The following ATP13A2 variants were observed in gnomAD, a reference collection of about 807,000 sequenced individuals.
The protein encoded by ATP13A2 is polyamine-transporting ATPase 13A2.
ATP13A2 carries 83 observed loss-of-function variants against 138.3 expected under a neutral mutation model. That is an observed-to-expected ratio of 0.60 (90% CI 0.50 to 0.72). The LOEUF is 0.72. Among genes scored for constraint, ATP13A2 ranks in the 30% least tolerant of loss-of-function variants. ATP13A2 has a pLI of 0.00. For synonymous variants in ATP13A2, 663 were observed against 699.0 expected (o/e 0.95, Z 0.81); for missense variants, 1,402 against 1,606.4 (o/e 0.87, Z 2.17).
chr1:17,003,585 CCACACACACA>C (rs540533484), intron 6 of ATP13A2, among the ~76,000 whole-genome samples: 40 of 133,056 alleles, frequency 3.0e-4, no homozygotes, highest in East Asian at 4.5e-4. Context: ...ACCAAAAAAA[CCACACACACA>C]CACACACACA....
In ATP13A2 at chr1:16,993,808, C is replaced by G; in HGVS notation, c.1570G>C (p.Asp524His). 1 of 1,575,084 alleles carries G rather than the reference C, an allele frequency of 6.3e-7. No individual in the cohort carries two copies. Among genetic ancestry groups the G allele is most frequent in the Non-Finnish European group, 8.6e-7 (1 of 1,160,858 alleles). Residue 524 changes from aspartate to histidine, a missense_variant, in exon 16 of 29, where the codon GAC becomes CAC. Asp to His is a moderately conservative substitution (Grantham distance 81, BLOSUM62 -1). Transcript: ENST00000326735. ...TTCAGGGGCACCACCCCCATCACGT[C>G]TAAGCCGTCCTCAGTGAGGGTGCCC... ...KTGTLTEDGL[D>H]VMGVVPLKGQ...
At chr1:16,994,701 T>G (rs554637199) in intron 15 of ATP13A2, among the ~76,000 whole-genome samples, 73 of 149,886 alleles carry the variant, frequency 4.9e-4, no homozygotes, top group African/African-American at 1.8e-3. Flanking sequence ...CTCACTCTGT[T>G]GCCCAGGCTG....
At position 16,986,034 on chromosome 1, in the gene ATP13A2, G is replaced by T. The variant is rs1462831741; in HGVS notation, c.*187C>A. On this transcript the variant is annotated 3_prime_UTR_variant, in exon 29 of 29. Coordinates refer to ENST00000326735, the MANE Select transcript of ATP13A2 (RefSeq NM_022089.4). The surrounding 1 kb of genome is among the most constrained non-coding windows in gnomAD (Gnocchi z 6.9). Reference sequence around the variant, plus strand: ...GAGCTGGGGGCTGCCACCCCTACGCGGGATGGTCCAAGGTAGGGGACAGTA... The same window carrying T: ...GAGCTGGGGGCTGCCACCCCTACGCTGGATGGTCCAAGGTAGGGGACAGTA... 78 of 1,469,376 alleles carry T rather than the reference G, an allele frequency of 5.3e-5. 1 individual carries two copies. The highest frequency in any genetic ancestry group is 7.0e-5 in the South Asian group (5 of 71,062). 91.0% of individuals were successfully genotyped at this position (1,469,376 alleles called of 1,614,324 possible). A position where few individuals can be genotyped will look rare whatever the true frequency, so the allele number is the denominator to read the frequency against.
intron 1 of ATP13A2, among the ~76,000 whole-genome samples, chr1:17,010,732 C>A (rs573698169): frequency 6.6e-6 from 1 of 152,308 alleles, no homozygotes; most frequent in East Asian, 1.9e-4. Context: ...TGGACTTGAA[C>A]CTCGTCTGAG....
At chr1:17,003,942 G>A (rs1389974233) in intron 6 of ATP13A2, among the ~76,000 whole-genome samples, 1 of 152,090 alleles carries the variant, frequency 6.6e-6, no homozygotes, top group African/African-American at 2.4e-5. Context: ...GATTACAGGG[G>A]TGAGCCACCG....
chr1:17,010,432 C>A (rs140542160), intron 1 of ATP13A2, among the ~76,000 whole-genome samples: 1 of 152,134 alleles, frequency 6.6e-6, no homozygotes, highest in Non-Finnish European at 1.5e-5. Context: ...CCATGCCCTG[C>A]GGAAGCCCTT....
In ATP13A2 at chr1:16,991,993, C is replaced by G. The variant is rs746132666; in HGVS notation, c.2126+16G>C. 6.2e-7 allele frequency: 1 copy of G among 1,610,872 alleles called. No individual in the cohort carries two copies. The highest frequency in any genetic ancestry group is 1.3e-5 in the African/African-American group (1 of 74,886). ...TGCCTAGTCCTCAGAGTGGGTGGGA[C>G]AGGAGACAGGCCCACCTCGTCAGTT... On this transcript the variant is annotated intron_variant, in intron 19 of 28. Transcript: ENST00000326735.
chr1:16,989,492 T>A (rs962321033), intron 23 of ATP13A2, among the ~76,000 whole-genome samples, 199 bp downstream of exon 23: 2 of 152,236 alleles, frequency 1.3e-5, no homozygotes, highest in Non-Finnish European at 2.9e-5. Flanking sequence ...ATTACAGGAA[T>A]GAGCCACCGC....
chr1:17,000,180 C>A (rs748097685), intron 10 of ATP13A2, 38 bp from the exon 11 acceptor site: 14 of 1,610,190 alleles, frequency 8.7e-6, no homozygotes, highest in Non-Finnish European at 1.2e-5. Flanking sequence ...CTAGGTGGGG[C>A]CAGCCCCAGC....
Position 16,993,144 on chromosome 1 carries a change from C to T in ATP13A2, c.1749+485G>A, listed in dbSNP as rs137868231. ...GTTGGCCAGGCTGCTTTCAAACTTC[C>T]GACCTCAGGTGATCTGCCCACCTCA... On this transcript the variant is annotated intron_variant, in intron 16 of 28. Coordinates refer to ENST00000326735, the MANE Select transcript of ATP13A2 (RefSeq NM_022089.4). Among the ~76,000 whole-genome samples the T allele has an allele frequency of 4.9e-4, 74 of 152,208 alleles. 1 individual carries two copies. The highest frequency in any genetic ancestry group is 3.4e-3 in the Middle Eastern group (1 of 294).
Position 17,000,141 on chromosome 1 carries a change from CT to C in ATP13A2, c.908del (p.Glu303GlyfsTer10). ...MRVCVCRPGG[E>X]EEWVDSSELV... ...GCTCACTGGAGTCCACCCACTCTTC[CT>C]CTGCAGGCAGGCAGGAGAGGAGCTC... is the stretch of plus-strand genomic sequence containing the variant. On this transcript the variant is annotated frameshift_variant and splice_region_variant, in exon 11 of 29. Coordinates refer to ENST00000326735, the MANE Select transcript of ATP13A2 (RefSeq NM_022089.4). LOFTEE classifies it high-confidence loss of function. 1 of 1,613,286 alleles carries C rather than the reference CT, an allele frequency of 6.2e-7. No individual in the cohort carries two copies. Among genetic ancestry groups the C allele is most frequent in the Non-Finnish European group, 8.5e-7 (1 of 1,179,980 alleles).
At chr1:17,001,042 T>C (rs1171943341) in intron 8 of ATP13A2, among the ~76,000 whole-genome samples, 5 of 152,056 alleles carry the variant, frequency 3.3e-5, no homozygotes, top group Non-Finnish European at 7.4e-5. Context: ...CAATGACAAT[T>C]CTACAAGGCC....
chr1:16,997,251 T>A, intron 11 of ATP13A2, 76 bp from the exon 12 acceptor site: 1 of 1,572,746 alleles, frequency 6.4e-7, no homozygotes, highest in Non-Finnish European at 8.7e-7. Flanking sequence ...TGTGTAGAAT[T>A]GTCCCACAAG....
chr1:16,989,649 G>C (rs2076853953), intron 23 of ATP13A2, 42 bp downstream of exon 23: 1 of 1,598,390 alleles, frequency 6.3e-7, no homozygotes, highest in Non-Finnish European at 8.6e-7. Flanking sequence ...GACAAGCTCA[G>C]TCTCCGCAGG....
intron 11 of ATP13A2, among the ~76,000 whole-genome samples, chr1:16,998,769 C>G (rs2100965697): frequency 6.6e-6 from 1 of 152,298 alleles, no homozygotes; most frequent in African/African-American, 2.4e-5. Context: ...TGTGGACTCT[C>G]ATGCAGCCAT....
chr1:17,002,304 T>C lies in ATP13A2; in HGVS notation c.627A>G (p.Gln209=). 6.2e-7 allele frequency: 1 copy of C among 1,613,544 alleles called. No homozygotes were observed. The change falls in exon 7 of 29, where the codon CAA becomes CAG. Residue 209 remains glutamine, a synonymous_variant. Transcript: ENST00000326735. ...TCCAGGGCAGCACTGACCTCACCAT[T>C]TGGTCCTGGAGGCTGAGGCCATGGC... ...RSRHGLSLQD[Q]MVRKAIYGPN...
rs752221069 is a variant in ATP13A2, at chr1:17,011,292, C to T, written c.10+437G>A. On this transcript the variant is annotated intron_variant, in intron 1 of 28. Coordinates refer to ENST00000326735, the MANE Select transcript of ATP13A2 (RefSeq NM_022089.4). This position sits in a 1 kb window ranked among gnomAD's most constrained non-coding sequence, Gnocchi z 7.3. The stretch of plus-strand genomic sequence containing the variant: ...AAATGGAGTCCCGACTCCCCCAACG[C>T]CATTCATTCATTCATTCAGCCCAGA... 6.6e-6 allele frequency among the ~76,000 whole-genome samples: 1 copy of T among 152,094 alleles called. No homozygotes were observed. Among genetic ancestry groups the T allele is most frequent in the Non-Finnish European group, 1.5e-5 (1 of 67,992 alleles).
chr1:17,005,626 G>C lies in ATP13A2; in HGVS notation c.105+58C>G, dbSNP rs1400958186. The C allele has an allele frequency of 1.9e-5, 30 of 1,612,948 alleles. No individual in the cohort carries two copies. In the Admixed American group the frequency reaches 4.7e-4, roughly 25 times the overall value. On this transcript the variant is annotated intron_variant, in intron 2 of 28. Transcript: ENST00000326735. ...GCTGGAGTAGGAAGTTGGGGTGTCT[G>C]GGTGGGCCTGGGCATTCACCCCCTG... is the stretch of plus-strand genomic sequence containing the variant.
chr1:17,004,808 G>T lies in ATP13A2; in HGVS notation c.361C>A (p.Pro121Thr). 3 of 1,613,946 alleles carry T rather than the reference G, an allele frequency of 1.9e-6. No individual in the cohort carries two copies. The highest frequency in any genetic ancestry group is 2.5e-6 in the Non-Finnish European group (3 of 1,180,040). The stretch of plus-strand genomic sequence containing the variant: ...CGGCCATCCTCTGCCTGGGACTGTG[G>T]GGACGGCTCCAGGCTGGGGAAGCAG... Reference protein sequence around the residue: ...AIGEGSLEPSPQSQAEDGRSQ... With the variant: ...AIGEGSLEPSTQSQAEDGRSQ... Residue 121 changes from proline (P) to threonine (T), a missense_variant, in exon 5 of 29, where the codon CCA (proline) becomes ACA (threonine). Physicochemically the swap from Pro to Thr is conservative, Grantham distance 38. Transcript: ENST00000326735. The surrounding 1 kb of genome is among the most constrained non-coding windows in gnomAD (Gnocchi z 4.1).
Sources: allele counts gnomAD v4.1 joint callset (sites outside exome capture counted in the v4.1 genomes callset), GRCh38; gene constraint gnomAD v4.1.1; non-coding constraint Gnocchi (gnomAD v3.1); transcripts MANE v1.5; gene names NCBI Gene and HGNC (gene_info 2026-07-23, HGNC 2026-07-21).